EPB41L4A: variants seen among roughly 807,000 people sequenced by gnomAD.
EPB41L4A encodes erythrocyte membrane protein band 4.1 like 4A.
In EPB41L4A, 100 loss-of-function variants were observed where a neutral mutation model predicts 108.6. The ratio of observed to expected loss-of-function variants is 0.92; its 90% confidence interval spans 0.78 to 1.09. The LOEUF is 1.09. Among genes scored for constraint, EPB41L4A ranks in the 50% least tolerant of loss-of-function variants. EPB41L4A has a pLI of 0.00. For missense variants in EPB41L4A, 1,030 were observed against 842.7 expected (o/e 1.22, Z -2.75); for synonymous variants, 319 against 289.0 (o/e 1.10, Z -1.05).
intron 1 of EPB41L4A, among the ~76,000 whole-genome samples, chr5:112,321,559 A>G (rs1755780386): frequency 6.6e-6 from 1 of 152,224 alleles, no homozygotes; most frequent in East Asian, 1.9e-4. Flanking sequence ...ATAGCTTATT[A>G]CCATGGCAGT....
chr5:112,391,385 T>C (rs1047349840), intron 1 of EPB41L4A, among the ~76,000 whole-genome samples: 1 of 142,264 alleles, frequency 7.0e-6, no homozygotes. Context: ...AGACCTTAAA[T>C]GACCTGATGG....
intron 1 of EPB41L4A, among the ~76,000 whole-genome samples, chr5:112,362,286 T>G (rs1428999136): frequency 6.6e-6 from 1 of 150,528 alleles, no homozygotes; most frequent in African/African-American, 2.4e-5. Context: ...ATTAATGTTT[T>G]TTTTTTTTTT....
At position 112,177,226 on chromosome 5, in the gene EPB41L4A, T is replaced by C. The variant is rs1372962198; in HGVS notation, c.1623-6234A>G. ...TTCTGCAGACTCAAGGGAAAATTCA[T>C]TTTCTTGTGTTTTCCATCTTCTGGA... is the stretch of plus-strand genomic sequence containing the variant. On this transcript the variant is annotated intron_variant, in intron 18 of 22. Coordinates refer to ENST00000261486, the MANE Select transcript of EPB41L4A (RefSeq NM_022140.5). Among the ~76,000 whole-genome samples the C allele has an allele frequency of 2.6e-5, 4 of 152,282 alleles. No individual in the cohort carries two copies. In the East Asian group the frequency reaches 7.7e-4, roughly 29 times the overall value.
chr5:112,343,414 C>T (rs181679309), intron 1 of EPB41L4A, among the ~76,000 whole-genome samples: 1 of 152,188 alleles, frequency 6.6e-6, no homozygotes, highest in Middle Eastern at 3.2e-3. Context: ...TTTGTCCCAT[C>T]TGTAAGACGG....
chr5:112,328,640 T>TAA (rs1756348090), intron 1 of EPB41L4A, among the ~76,000 whole-genome samples: 1 of 152,248 alleles, frequency 6.6e-6, no homozygotes, highest in South Asian at 2.1e-4. Flanking sequence ...CCATTCAGGT[T>TAA]AACCCTCTGT....
intron 15 of EPB41L4A, among the ~76,000 whole-genome samples, chr5:112,197,543 A>G (rs562361641): frequency 6.6e-6 from 1 of 152,290 alleles, no homozygotes; most frequent in South Asian, 2.1e-4. Context: ...AAATTTTCTA[A>G]GAGAAGATAC....
intron 9 of EPB41L4A, among the ~76,000 whole-genome samples, chr5:112,257,472 A>G (rs1484644290): frequency 6.6e-6 from 1 of 152,150 alleles, no homozygotes; most frequent in Non-Finnish European, 1.5e-5. Flanking sequence ...AGCCGAGTAC[A>G]CAGGAAACAG....
At chr5:112,363,471 T>A (rs1758910678) in intron 1 of EPB41L4A, 2 of 152,490 alleles carry the variant, frequency 1.3e-5, no homozygotes, top group Non-Finnish European at 2.9e-5. Context: ...TGTTTTCACC[T>A]TCCAGTTCTT....
intron 1 of EPB41L4A, among the ~76,000 whole-genome samples, chr5:112,408,675 CAAAA>C: frequency 2.8e-5 from 1 of 35,760 alleles, no homozygotes. Context: ...GACTCCATCT[CAAAA>C]AAAAAAAAAA....
At chr5:112,227,943 G>C (rs918402810) in intron 12 of EPB41L4A, among the ~76,000 whole-genome samples, 14 of 152,180 alleles carry the variant, frequency 9.2e-5, no homozygotes, top group African/African-American at 2.7e-4. Flanking sequence ...AGAGCTGTGT[G>C]GCACCATCAT....
intron 12 of EPB41L4A, among the ~76,000 whole-genome samples, chr5:112,227,463 C>T (rs960925533): frequency 1.3e-5 from 2 of 152,126 alleles, no homozygotes; most frequent in African/African-American, 4.8e-5. Flanking sequence ...GATACTCAGC[C>T]CATTTCAGAC....
intron 2 of EPB41L4A, among the ~76,000 whole-genome samples, chr5:112,293,696 G>A (rs538287063): frequency 3.3e-5 from 5 of 152,274 alleles, no homozygotes; most frequent in South Asian, 4.2e-4. Flanking sequence ...TCCCGATGCC[G>A]CAGTGAGGAA....
At chr5:112,352,800 T>G (rs945669905) in intron 1 of EPB41L4A, among the ~76,000 whole-genome samples, 5 of 152,226 alleles carry the variant, frequency 3.3e-5, no homozygotes, top group African/African-American at 1.2e-4. Context: ...CTACATTGAA[T>G]ACTCTTTAAA....
chr5:112,220,760 AC>A (rs1747987766), intron 12 of EPB41L4A, among the ~76,000 whole-genome samples: 1 of 152,060 alleles, frequency 6.6e-6, no homozygotes, highest in African/African-American at 2.4e-5. Flanking sequence ...CAGGTCTAAA[AC>A]CTAGAAGGTA....
chr5:112,322,024 AAAT>A (rs1325104841), intron 1 of EPB41L4A, among the ~76,000 whole-genome samples: 2 of 152,208 alleles, frequency 1.3e-5, no homozygotes, highest in Non-Finnish European at 2.9e-5. Context: ...TAATCAGATA[AAAT>A]AATAAAACCA....
intron 1 of EPB41L4A, among the ~76,000 whole-genome samples, chr5:112,339,512 A>ATATATATATATC (rs1757155906): frequency 2.2e-5 from 1 of 46,000 alleles, no homozygotes; most frequent in African/African-American, 9.6e-5. Flanking sequence ...ATATATATAG[A>ATATATATATATC]TATATAGATA....
chr5:112,315,584 T>C (rs1755378287), intron 1 of EPB41L4A, among the ~76,000 whole-genome samples: 1 of 152,170 alleles, frequency 6.6e-6, no homozygotes, highest in Non-Finnish European at 1.5e-5. Flanking sequence ...AGAGATTCAG[T>C]TTACTTTTAA....
chr5:112,335,493 G>A (rs888174456), intron 1 of EPB41L4A, among the ~76,000 whole-genome samples: 18 of 152,318 alleles, frequency 1.2e-4, no homozygotes, highest in African/African-American at 4.3e-4. Flanking sequence ...AGACATTCAT[G>A]TCTATTAAAT....
At position 112,168,990 on chromosome 5, in the gene EPB41L4A, C is replaced by G; in HGVS notation, c.1850+5G>C. On this transcript the variant is annotated splice_donor_5th_base_variant and intron_variant, in intron 21 of 22. Coordinates refer to ENST00000261486, the MANE Select transcript of EPB41L4A (RefSeq NM_022140.5). Reference sequence around the variant, plus strand: ...GTGATGGTGTACTCTGGCCTGCCCACTTACTTCACTTCCGAGAGAACTGAT... The same window carrying G: ...GTGATGGTGTACTCTGGCCTGCCCAGTTACTTCACTTCCGAGAGAACTGAT... 1 of 1,607,394 alleles carries G rather than the reference C, an allele frequency of 6.2e-7. No homozygotes were observed. The highest frequency in any genetic ancestry group is 8.5e-7 in the Non-Finnish European group (1 of 1,173,870).
Sources: gnomAD v4.1 joint callset for allele counts (sites outside exome capture counted in the v4.1 genomes callset) on GRCh38, gnomAD v4.1.1 for gene constraint, MANE v1.5 for transcripts, NCBI Gene and HGNC (gene_info 2026-07-23, HGNC 2026-07-21) for gene names.